Variants in AGPAT3 observed in about 807,000 individuals in gnomAD.
AGPAT3 encodes the protein 1-acyl-sn-glycerol-3-phosphate acyltransferase gamma.
Under a neutral mutation model 47.3 loss-of-function variants are expected in AGPAT3, and 5 were observed. The observed-to-expected ratio is 0.11, with a 90% CI of 0.06 to 0.22. The LOEUF is 0.22. Ranked by LOEUF, AGPAT3 falls within the 10% of genes least tolerant of loss-of-function variation. The pLI, the probability that AGPAT3 is intolerant of heterozygous loss-of-function variation, is 1.00. For synonymous variants in AGPAT3, 212 were observed against 208.3 expected, an observed-to-expected ratio of 1.02 and a Z score of -0.15; for missense variants, 315 against 493.0, an observed-to-expected ratio of 0.64 and a Z score of 3.42.
intron 2 of AGPAT3, among the ~76,000 whole-genome samples, chr21:43,950,366 G>A (rs1356993996): frequency 3.3e-5 from 5 of 152,174 alleles, no homozygotes; most frequent in Non-Finnish European, 4.4e-5. Context: ...ATAAGGTTGG[G>A]CTGGCAACAA....
In AGPAT3 at chr21:43,880,718, T is replaced by C. The variant is rs2067007775; in HGVS notation, c.-112+15373T>C. ...TACCCTTGTTATTTCCACTCACATA[T>C]ATCTCCCCAAAGTGGAAACAAGGAC... On this transcript the variant is annotated intron_variant, in intron 1 of 9. Transcript: ENST00000291572. This position sits in a 1 kb window ranked among gnomAD's most constrained non-coding sequence, Gnocchi z 4.5. Among the ~76,000 whole-genome samples the C allele has an allele frequency of 6.6e-6, 1 of 152,206 alleles. No homozygotes were observed. The highest frequency in any genetic ancestry group is 2.4e-5 in the African/African-American group (1 of 41,442).
At chr21:43,971,580 C>A in intron 7 of AGPAT3, 90 bp downstream of exon 7, 1 of 1,216,082 alleles carries the variant, frequency 8.2e-7, no homozygotes, top group Non-Finnish European at 1.2e-6. Context: ...TGGGTCCAGG[C>A]CCCACGTCCC....
chr21:43,968,042 T>C lies in AGPAT3; in HGVS notation c.275T>C (p.Ile92Thr). 2 of 1,613,922 alleles carry C rather than the reference T, an allele frequency of 1.2e-6. No homozygotes were observed. The highest frequency in any genetic ancestry group is 1.7e-6 in the Non-Finnish European group (2 of 1,179,986). ...VERFGKEHAV[I>T]ILNHNFEIDF... ...CGCTTTGGGAAGGAGCACGCAGTCA[T>C]CATCCTCAACCACAACTTCGAGATC... The change falls in exon 4 of 10, where the codon ATC (isoleucine) becomes ACC (threonine). Residue 92 changes from isoleucine to threonine, a missense_variant. Ile to Thr is a moderately conservative substitution (Grantham distance 89). Coordinates refer to ENST00000291572, the MANE Select transcript of AGPAT3 (RefSeq NM_020132.5).
At chr21:43,896,271 C>T (rs1358962597) in intron 1 of AGPAT3, among the ~76,000 whole-genome samples, 1 of 152,022 alleles carries the variant, frequency 6.6e-6, no homozygotes, top group Admixed American at 6.6e-5. Context: ...ACTTTTTTTT[C>T]CCCTCGTTTA....
At chr21:43,943,508 A>G (rs1053961466) in intron 2 of AGPAT3, among the ~76,000 whole-genome samples, 23 of 152,120 alleles carry the variant, frequency 1.5e-4, no homozygotes, top group African/African-American at 5.3e-4. Context: ...GGCAGTCCTC[A>G]CCCTCCTGGG....
At position 43,969,246 on chromosome 21, in the gene AGPAT3, G is replaced by T. The variant is rs115875072; in HGVS notation, c.477G>T (p.Leu159=). ...EEDRDTVVEG[L]RRLSDYPEYM... ...ACCGGGACACCGTGGTCGAAGGGCT[G>T]AGGCGCCTGTCGGACTACCCCGAGT... The change falls in exon 5 of 10, where the codon CTG becomes CTT. Residue 159 remains leucine, a synonymous_variant. Transcript: ENST00000291572. 2.5e-6 allele frequency: 4 copies of T among 1,614,128 alleles called. No individual in the cohort carries two copies. The highest frequency in any genetic ancestry group is 3.4e-6 in the Non-Finnish European group (4 of 1,180,042).
At chr21:43,969,412 G>A in intron 5 of AGPAT3, 133 bp downstream of exon 5, 2 of 1,169,814 alleles carry the variant, frequency 1.7e-6, no homozygotes, top group Non-Finnish European at 2.4e-6. Flanking sequence ...TTTCCATGGG[G>A]CCATGACTCC....
intron 1 of AGPAT3, among the ~76,000 whole-genome samples, chr21:43,885,784 C>T (rs1601216776): frequency 6.6e-6 from 1 of 152,110 alleles, no homozygotes; most frequent in African/African-American, 2.4e-5. Flanking sequence ...AGTATACGGC[C>T]GGGGTTTGTG....
rs747425990 is a variant in AGPAT3, at chr21:43,969,268, G to C, written c.499G>C (p.Glu167Gln). 6.2e-7 allele frequency: 1 copy of C among 1,614,238 alleles called. No individual in the cohort carries two copies. The highest frequency in any genetic ancestry group is 1.1e-5 in the South Asian group (1 of 91,088). ...EGLRRLSDYP[E>Q]YMWFLLYCEG... is the part of the protein sequence containing the mutation. ...GCTGAGGCGCCTGTCGGACTACCCCGAGTACATGTGGGTGAGTGCGCGGAG... is the reference window on the plus strand; with the variant it reads ...GCTGAGGCGCCTGTCGGACTACCCCCAGTACATGTGGGTGAGTGCGCGGAG... The change falls in exon 5 of 10, where the codon GAG becomes CAG. Residue 167 changes from glutamate (E) to glutamine (Q), a missense_variant. By Grantham distance (29) the Glu-to-Gln change is conservative. Transcript: ENST00000291572.
intron 2 of AGPAT3, among the ~76,000 whole-genome samples, chr21:43,926,457 G>A (rs574291709): frequency 3.3e-5 from 5 of 152,192 alleles, no homozygotes; most frequent in Admixed American, 3.3e-4. Flanking sequence ...GATCCCCTGG[G>A]GTGGCCCAGC....
chr21:43,904,183 T>C (rs1192183878), intron 2 of AGPAT3, among the ~76,000 whole-genome samples, 164 bp downstream of exon 2: 2 of 152,200 alleles, frequency 1.3e-5, no homozygotes, highest in East Asian at 3.8e-4. Flanking sequence ...TTTTAACCTT[T>C]GCTTATGACC....
At chr21:43,953,793 A>G (rs2088315667) in intron 2 of AGPAT3, among the ~76,000 whole-genome samples, 1 of 152,208 alleles carries the variant, frequency 6.6e-6, no homozygotes, top group Non-Finnish European at 1.5e-5. Context: ...CAAAATCTAC[A>G]ATATGCCAGA....
At chr21:43,960,623 T>A (rs1245672855) in intron 3 of AGPAT3, 1 of 355,928 alleles carries the variant, frequency 2.8e-6, no homozygotes, top group African/African-American at 2.2e-5. Flanking sequence ...TATTGTATTA[T>A]TTTTATAGTA....
intron 1 of AGPAT3, among the ~76,000 whole-genome samples, chr21:43,870,402 T>C (rs2085598946): frequency 6.6e-6 from 1 of 152,196 alleles, no homozygotes; most frequent in South Asian, 2.1e-4. Flanking sequence ...CTTTTACTTC[T>C]TTTCTTTAAA....
chr21:43,971,062 T>C (rs527310791), intron 6 of AGPAT3, among the ~76,000 whole-genome samples: 43 of 152,294 alleles, frequency 2.8e-4, no homozygotes, highest in Non-Finnish European at 1.2e-4. Context: ...TAATCATTAT[T>C]GTATCTTATT....
intron 1 of AGPAT3, among the ~76,000 whole-genome samples, chr21:43,877,666 A>C (rs1601196270): frequency 6.6e-6 from 1 of 151,020 alleles, no homozygotes; most frequent in Admixed American, 6.6e-5. Context: ...CTGGCCTTGA[A>C]CTCCCGACCT....
At chr21:43,945,227 C>T (rs146246182) in intron 2 of AGPAT3, among the ~76,000 whole-genome samples, 2,438 of 152,258 alleles carry the variant, frequency 0.016, 42 homozygotes, top group Middle Eastern at 0.054. Flanking sequence ...ATTTGGCCTA[C>T]GGGGTCCCAG....
intron 1 of AGPAT3, among the ~76,000 whole-genome samples, chr21:43,871,059 A>G (rs1157582700): frequency 1.3e-5 from 2 of 152,236 alleles, no homozygotes; most frequent in African/African-American, 4.8e-5. Context: ...TTTATTTTTA[A>G]CAAACTGCAC....
At chr21:43,873,533 A>G (rs1464192305) in intron 1 of AGPAT3, among the ~76,000 whole-genome samples, 1 of 151,994 alleles carries the variant, frequency 6.6e-6, no homozygotes, top group Admixed American at 6.6e-5. Flanking sequence ...GCGCACCACC[A>G]CGCCTGGCTA....
Sources: gnomAD v4.1 joint callset for allele counts (sites outside exome capture counted in the v4.1 genomes callset) on GRCh38, gnomAD v4.1.1 for gene constraint, Gnocchi (gnomAD v3.1) non-coding constraint, MANE v1.5 for transcripts, NCBI Gene and HGNC (gene_info 2026-07-23, HGNC 2026-07-21) for gene names.